Variants in MARCHF4 observed in about 807,000 individuals in gnomAD.
The protein encoded by MARCHF4 is membrane associated ring-CH-type finger 4.
MARCHF4 carries 14 observed loss-of-function variants against 43.9 expected under a neutral mutation model. The ratio of observed to expected loss-of-function variants is 0.32; its 90% CI spans 0.21 to 0.50. The LOEUF is 0.50. Among genes scored for constraint, MARCHF4 ranks in the 20% least tolerant of loss-of-function variants. The pLI, the probability that MARCHF4 is intolerant of heterozygous loss-of-function variation, is 0.98. For missense variants in MARCHF4, 468 were observed against 536.7 expected (o/e 0.87, Z 1.27); for synonymous variants, 226 against 213.3 (o/e 1.06, Z -0.52).
rs36149439 is a variant in MARCHF4 at position 216,326,595 on chromosome 2, A to C, written c.517-42866T>G. ...AACAATGATAGACTGGATTAAGAAAATGTGGCACATATACACCGTGGAATA... is the reference window on the plus strand; with the variant it reads ...AACAATGATAGACTGGATTAAGAAACTGTGGCACATATACACCGTGGAATA... On this transcript the variant is annotated intron_variant, in intron 1 of 3. Transcript: ENST00000273067. Among the ~76,000 whole-genome samples the C allele has an allele frequency of 7.3e-3, 1,114 of 152,228 alleles. 10 individuals are homozygous for C. Among genetic ancestry groups the C allele is most frequent in the African/African-American group, 0.025 (1,058 of 41,498 alleles).
rs765369049 is a variant in MARCHF4, at chr2:216,369,828, C to T, written c.433G>A (p.Glu145Lys). 1.4e-5 allele frequency: 23 copies of T among 1,613,956 alleles called. No homozygotes were observed. The highest frequency in any genetic ancestry group is 3.3e-5 in the Admixed American group (2 of 60,028). The change falls in exon 1 of 4, where the codon GAG (glutamate) becomes AAG (lysine). Residue 145 changes from glutamate to lysine, a missense_variant. By Grantham distance (56) the Glu-to-Lys change is moderately conservative. Coordinates refer to ENST00000273067, the MANE Select transcript of MARCHF4 (RefSeq NM_020814.3). ...SSDDFCKEKT[E>K]DRYSLGSSLD... ...CTGCTGCCCAGTGAGTAGCGATCCT[C>T]GGTCTTCTCCTTACAGAAGTCATCT...
chr2:216,364,115 T>C (rs943142317), intron 1 of MARCHF4, among the ~76,000 whole-genome samples: 4 of 152,120 alleles, frequency 2.6e-5, no homozygotes, highest in African/African-American at 9.7e-5. Context: ...GAAACCCAAG[T>C]TTACTTCCCT....
chr2:216,360,844 A>G (rs1692566084), intron 1 of MARCHF4, among the ~76,000 whole-genome samples: 1 of 151,954 alleles, frequency 6.6e-6, no homozygotes, highest in South Asian at 2.1e-4. Flanking sequence ...TTTGTTTTGT[A>G]GAGATGGAGT....
chr2:216,311,469 G>A (rs2105956470), intron 1 of MARCHF4, among the ~76,000 whole-genome samples: 1 of 152,248 alleles, frequency 6.6e-6, no homozygotes, highest in East Asian at 1.9e-4. Context: ...TGTTGGGCAG[G>A]CTGGTCTCAA....
chr2:216,330,394 C>G (rs1302286800), intron 1 of MARCHF4, among the ~76,000 whole-genome samples: 2 of 151,996 alleles, frequency 1.3e-5, no homozygotes, highest in African/African-American at 4.8e-5. Flanking sequence ...AAAGGAGAAA[C>G]AGATAAAGCC....
chr2:216,327,507 T>C (rs930346872), intron 1 of MARCHF4, among the ~76,000 whole-genome samples: 3 of 152,186 alleles, frequency 2.0e-5, no homozygotes, highest in African/African-American at 7.2e-5. Context: ...GGAAAGTCTA[T>C]AGATAAAAAC....
chr2:216,337,227 C>T (rs1320363707), intron 1 of MARCHF4, among the ~76,000 whole-genome samples: 1 of 150,436 alleles, frequency 6.6e-6, no homozygotes, highest in Non-Finnish European at 1.5e-5. Flanking sequence ...GGATTTTGTA[C>T]CAGAATTATC....
intron 3 of MARCHF4, among the ~76,000 whole-genome samples, chr2:216,260,675 G>A (rs1015620025): frequency 2.6e-5 from 4 of 152,206 alleles, no homozygotes; most frequent in African/African-American, 9.6e-5. Context: ...GAGGCCAATG[G>A]ATGGTAGGGT....
At chr2:216,338,954 C>G (rs1293213092) in intron 1 of MARCHF4, among the ~76,000 whole-genome samples, 1 of 152,162 alleles carries the variant, frequency 6.6e-6, no homozygotes, top group Non-Finnish European at 1.5e-5. Context: ...CCAAAAGGCA[C>G]AGCAAGCAAG....
chr2:216,370,198 G>A lies in MARCHF4; in HGVS notation c.63C>T (p.Cys21=). The change falls in exon 1 of 4, where the codon TGC becomes TGT. Residue 21 remains cysteine (C), a synonymous_variant. Coordinates refer to ENST00000273067, the MANE Select transcript of MARCHF4 (RefSeq NM_020814.3). ...WWWCCCSGWY[C]YGLCAPAPQM... ...GGGGGGCTGGGGCACACAATCCATAGCAGTACCAGCCGGAGCAGCAGCACC... is the reference window on the plus strand; with the variant it reads ...GGGGGGCTGGGGCACACAATCCATAACAGTACCAGCCGGAGCAGCAGCACC... 2 of 1,612,966 alleles carry A rather than the reference G, an allele frequency of 1.2e-6. No individual in the cohort carries two copies. Among genetic ancestry groups the A allele is most frequent in the Non-Finnish European group, 8.5e-7 (1 of 1,179,662 alleles).
At chr2:216,304,073 A>C (rs1691541386) in intron 1 of MARCHF4, among the ~76,000 whole-genome samples, 2 of 152,160 alleles carry the variant, frequency 1.3e-5, no homozygotes, top group Admixed American at 1.3e-4. Flanking sequence ...AGGGTGAGAC[A>C]TGTCATGGGG....
chr2:216,368,708 T>C (rs1488259656), intron 1 of MARCHF4, among the ~76,000 whole-genome samples: 1 of 152,244 alleles, frequency 6.6e-6, no homozygotes, highest in Admixed American at 6.5e-5. Flanking sequence ...ATTGAAGAAG[T>C]GGCTGATAGG....
chr2:216,274,182 C>T (rs17822450), intron 3 of MARCHF4, among the ~76,000 whole-genome samples: 21,471 of 152,144 alleles, frequency 0.14, 1,593 homozygotes, highest in South Asian at 0.25. Context: ...GGTTGTGGGT[C>T]TCATCTTCTT....
chr2:216,348,912 G>C (rs988169289), intron 1 of MARCHF4, among the ~76,000 whole-genome samples: 1 of 151,772 alleles, frequency 6.6e-6, no homozygotes, highest in African/African-American at 2.4e-5. Context: ...TTTTGGTTTG[G>C]TTCCAGAATT....
intron 1 of MARCHF4, among the ~76,000 whole-genome samples, chr2:216,323,246 C>A (rs1398489152): frequency 6.6e-6 from 1 of 152,096 alleles, no homozygotes; most frequent in Non-Finnish European, 1.5e-5. Flanking sequence ...AGAATCTGGG[C>A]CCTGGAGTCC....
intron 1 of MARCHF4, among the ~76,000 whole-genome samples, chr2:216,293,885 G>A (rs1257303314): frequency 7.5e-6 from 1 of 133,288 alleles, no homozygotes; most frequent in African/African-American, 2.5e-5. Flanking sequence ...AAAAGGTCAC[G>A]TTTAATGTGT....
rs367928304 is a variant in MARCHF4 at position 216,278,263 on chromosome 2, T to C, written c.673-399A>G. 9.2e-5 allele frequency among the ~76,000 whole-genome samples: 14 copies of C among 152,336 alleles called. No individual in the cohort carries two copies. The East Asian group carries it at 2.7e-3, about 29-fold the overall frequency. On this transcript the variant is annotated intron_variant, in intron 2 of 3. Transcript: ENST00000273067. ...ATTTTGAGATGGAGTCTTTGCTCTG[T>C]CGCCGGCTGGAGTGCAGTGGCACGA... is the stretch of plus-strand genomic sequence containing the variant.
intron 1 of MARCHF4, among the ~76,000 whole-genome samples, chr2:216,304,064 G>A (rs907410647): frequency 6.6e-6 from 1 of 152,178 alleles, no homozygotes; most frequent in African/African-American, 2.4e-5. Flanking sequence ...CCACAACAGA[G>A]GGTGAGACAT....
At chr2:216,281,058 CTTTTTTTTTTTTTT>C (rs58189904) in intron 2 of MARCHF4, among the ~76,000 whole-genome samples, 2 of 104,298 alleles carry the variant, frequency 1.9e-5, no homozygotes, top group Non-Finnish European at 3.8e-5. Flanking sequence ...TTTCTCACAA[CTTTTTTTTTTTTTT>C]TTTTTTTTTT....
Sources: gnomAD v4.1 joint callset for allele counts (sites outside exome capture counted in the v4.1 genomes callset) on GRCh38, gnomAD v4.1.1 for gene constraint, MANE v1.5 for transcripts, NCBI Gene and HGNC (gene_info 2026-07-23, HGNC 2026-07-21) for gene names.